The following KIAA1328 variants were observed in gnomAD, a reference collection of about 807,000 sequenced individuals.
KIAA1328 encodes the protein KIAA1328.
Under a neutral mutation model 68.1 loss-of-function variants are expected in KIAA1328, and 52 were observed. The ratio of observed to expected loss-of-function variants is 0.76; its 90% confidence interval spans 0.61 to 0.96. The LOEUF is 0.96. KIAA1328 is among the 40% of genes least tolerant of loss of function. The pLI, the probability that KIAA1328 is intolerant of heterozygous loss-of-function variation, is 0.00. For synonymous variants in KIAA1328, 232 were observed against 239.4 expected, an observed-to-expected ratio of 0.97 and a Z score of 0.28; for missense variants, 641 against 677.6, an observed-to-expected ratio of 0.95 and a Z score of 0.60.
chr18:37,226,774 A>ATT (rs56834709), downstream of KIAA1328, among the ~76,000 whole-genome samples: 18,138 of 134,258 alleles, frequency 0.14, 1,403 homozygotes, highest in Non-Finnish European at 0.17. Context: ...CATGCAAAAC[A>ATT]TTTTTTTTTT....
At chr18:36,850,389 T>C (rs2047173390) in intron 4 of KIAA1328, among the ~76,000 whole-genome samples, 1 of 152,222 alleles carries the variant, frequency 6.6e-6, no homozygotes, top group African/African-American at 2.4e-5. Flanking sequence ...TTTATTTATT[T>C]ATTGAGGATT....
chr18:37,210,515 A>G (rs2060296667), intron 9 of KIAA1328, among the ~76,000 whole-genome samples: 1 of 152,188 alleles, frequency 6.6e-6, no homozygotes, highest in Non-Finnish European at 1.5e-5. Flanking sequence ...CCTATGGCTA[A>G]AACATCATCT....
chr18:37,083,656 A>T (rs548910627), intron 7 of KIAA1328, among the ~76,000 whole-genome samples: 16 of 152,290 alleles, frequency 1.1e-4, no homozygotes, highest in Admixed American at 7.9e-4. Context: ...ACTCAGGGAA[A>T]ATATGTTGGT....
At chr18:37,003,265 T>C (rs1198535002) in intron 6 of KIAA1328, among the ~76,000 whole-genome samples, 1 of 152,082 alleles carries the variant, frequency 6.6e-6, no homozygotes, top group East Asian at 1.9e-4. Context: ...GTAAACTCTC[T>C]TGGACATTTG....
chr18:37,038,368 A>C (rs977087443), intron 6 of KIAA1328, among the ~76,000 whole-genome samples: 1 of 152,120 alleles, frequency 6.6e-6, no homozygotes, highest in African/African-American at 2.4e-5. Context: ...CTCCTATATC[A>C]GAAGTCTTAT....
intron 6 of KIAA1328, among the ~76,000 whole-genome samples, chr18:37,000,941 AATG>A (rs2053565616): frequency 6.6e-6 from 1 of 152,202 alleles, no homozygotes; most frequent in South Asian, 2.1e-4. Flanking sequence ...CAAAAAGTAG[AATG>A]ATTAAAAATT....
At chr18:37,161,997 A>T (rs972299413) in intron 8 of KIAA1328, among the ~76,000 whole-genome samples, 2 of 152,246 alleles carry the variant, frequency 1.3e-5, no homozygotes, top group Admixed American at 1.3e-4. Flanking sequence ...GTCCAAAAAA[A>T]ATCAATTTCT....
At chr18:37,024,181 A>C (rs1435877404) in intron 6 of KIAA1328, among the ~76,000 whole-genome samples, 1 of 151,566 alleles carries the variant, frequency 6.6e-6, no homozygotes, top group African/African-American at 2.4e-5. Context: ...TTTTGTGGAG[A>C]TGGGGTACTG....
At chr18:37,059,183 G>C (rs1375368597) in intron 6 of KIAA1328, among the ~76,000 whole-genome samples, 1 of 151,980 alleles carries the variant, frequency 6.6e-6, no homozygotes, top group African/African-American at 2.4e-5. Flanking sequence ...CTACCTTACA[G>C]AATTAACGTT....
At chr18:37,120,948 G>A (rs182012192) in intron 7 of KIAA1328, among the ~76,000 whole-genome samples, 1 of 152,048 alleles carries the variant, frequency 6.6e-6, no homozygotes, top group Non-Finnish European at 1.5e-5. Flanking sequence ...TCTTAAGTGG[G>A]CAAAAGCACT....
intron 5 of KIAA1328, among the ~76,000 whole-genome samples, chr18:36,897,358 T>C (rs1355125949): frequency 6.6e-6 from 1 of 151,954 alleles, no homozygotes; most frequent in South Asian, 2.1e-4. Context: ...TAATGCTGGG[T>C]TTCAATTAAA....
chr18:36,947,087 T>C (rs8096180), intron 5 of KIAA1328, among the ~76,000 whole-genome samples: 150,343 of 152,204 alleles, frequency 0.99, 74,270 homozygotes, highest in East Asian at 1. Context: ...TCGCTTGAAC[T>C]TGGGAGGTGG....
chr18:37,070,112 T>C (rs578163551), intron 7 of KIAA1328, among the ~76,000 whole-genome samples: 1 of 152,274 alleles, frequency 6.6e-6, no homozygotes, highest in African/African-American at 2.4e-5. Flanking sequence ...ATATTTAGTT[T>C]CCAAGTTCTT....
At chr18:37,187,232 G>A (rs1045916702) in intron 9 of KIAA1328, among the ~76,000 whole-genome samples, 10 of 152,030 alleles carry the variant, frequency 6.6e-5, no homozygotes, top group African/African-American at 2.2e-4. Flanking sequence ...TGATCAACTT[G>A]GCTGGAACAT....
At chr18:36,853,564 A>T (rs1021342316) in intron 4 of KIAA1328, among the ~76,000 whole-genome samples, 1 of 152,162 alleles carries the variant, frequency 6.6e-6, no homozygotes, top group Non-Finnish European at 1.5e-5. Flanking sequence ...CTTCAATGGC[A>T]CATTAAAAAC....
intron 7 of KIAA1328, among the ~76,000 whole-genome samples, chr18:37,125,589 T>C (rs1411657523): frequency 6.6e-6 from 1 of 152,082 alleles, no homozygotes; most frequent in Non-Finnish European, 1.5e-5. Context: ...GTCAATAAAA[T>C]TGGCAAACCT....
intron 7 of KIAA1328, among the ~76,000 whole-genome samples, chr18:37,070,211 T>A (rs1304449924): frequency 6.6e-6 from 1 of 152,182 alleles, no homozygotes; most frequent in Non-Finnish European, 1.5e-5. Flanking sequence ...CTTTCAGACT[T>A]ATTGAAGTTT....
At chr18:37,211,245 A>G (rs1347016758) in intron 9 of KIAA1328, among the ~76,000 whole-genome samples, 3 of 152,210 alleles carry the variant, frequency 2.0e-5, no homozygotes, top group Non-Finnish European at 4.4e-5. Flanking sequence ...GGCCTGGGTT[A>G]AAAACCACTT....
At chr18:36,853,429 A>T (rs2047279230) in intron 4 of KIAA1328, among the ~76,000 whole-genome samples, 1 of 151,308 alleles carries the variant, frequency 6.6e-6, no homozygotes, top group South Asian at 2.1e-4. Flanking sequence ...CTAATGTATC[A>T]TTTTCATTCC....
Sources: allele counts gnomAD v4.1 joint callset (sites outside exome capture counted in the v4.1 genomes callset), GRCh38; gene constraint gnomAD v4.1.1; transcripts MANE v1.5; gene names NCBI Gene and HGNC (gene_info 2026-07-23, HGNC 2026-07-21).